SPATA6L: variants seen among roughly 807,000 people sequenced by gnomAD.
SPATA6L encodes the protein spermatogenesis associated 6-like protein.
SPATA6L carries 68 observed loss-of-function variants against 49.2 expected under a neutral mutation model. The observed-to-expected ratio is 1.38, with a 90% CI of 1.14 to 1.69. The LOEUF (loss-of-function observed/expected upper bound fraction) is 1.69, where lower values mean the gene tolerates loss of function less well. SPATA6L is among the 40% of genes most tolerant of loss of function. SPATA6L has a pLI of 0.00. For missense variants in SPATA6L, 668 were observed against 464.3 expected (o/e 1.44, Z -4.03); for synonymous variants, 198 against 165.7 (o/e 1.19, Z -1.50).
chr9:4,661,799 A>T, intron 2 of SPATA6L, 100 bp downstream of exon 2: 1 of 1,449,666 alleles, frequency 6.9e-7, no homozygotes, highest in Non-Finnish European at 9.3e-7. Context: ...AATTTTTTTA[A>T]AAATGAAATT....
Position 4,604,957 on chromosome 9 carries a change from A to G in SPATA6L, c.1089+390T>C, listed in dbSNP as rs542518828. On this transcript the variant is annotated intron_variant, in intron 10 of 11. Transcript: ENST00000682582. Reference sequence around the variant, plus strand: ...ACTTTCTTCCATGTTGTGGCCTTACATAGCTCACACAAACAACTGTATTCT... The same window carrying G: ...ACTTTCTTCCATGTTGTGGCCTTACGTAGCTCACACAAACAACTGTATTCT... 6.3e-4 allele frequency among the ~76,000 whole-genome samples: 96 copies of G among 152,324 alleles called. 1 individual carries two copies. Among genetic ancestry groups the G allele is most frequent in the African/African-American group, 2.3e-3 (94 of 41,570 alleles).
At chr9:4,618,224 G>A in intron 8 of SPATA6L, 114 bp from the exon 9 acceptor site, 1 of 825,722 alleles carries the variant, frequency 1.2e-6, no homozygotes, top group Non-Finnish European at 1.9e-6. Flanking sequence ...CAGAATATTT[G>A]CCCCAGGGAT....
At position 4,604,042 on chromosome 9, in the gene SPATA6L, C is replaced by G. The variant is rs1052211852; in HGVS notation, c.*1+137G>C. ...TATCATACAGAGCAAGGGAAGAACG[C>G]AGTTCTCAGGTCTCCTCCAAGTCTC... is the stretch of plus-strand genomic sequence containing the variant. On this transcript the variant is annotated intron_variant, in intron 11 of 11. Transcript: ENST00000682582. 50 of 575,180 alleles carry G rather than the reference C, an allele frequency of 8.7e-5. No homozygotes were observed. The East Asian group carries it at 1.5e-3, about 17-fold the overall frequency. The allele number at this position is 575,180 out of a possible 1,614,324, so 35.6% of individuals were successfully genotyped here.
At chr9:4,591,697 A>T (rs1078539) in intron 13 of SPATA6L, among the ~76,000 whole-genome samples, 126 of 152,340 alleles carry the variant, frequency 8.3e-4, no homozygotes, top group Non-Finnish European at 1.4e-3. Flanking sequence ...TCTCTGCTCC[A>T]TCAGAAAGGG....
intron 6 of SPATA6L, among the ~76,000 whole-genome samples, chr9:4,624,853 G>C (rs1202076456): frequency 6.6e-6 from 1 of 152,010 alleles, no homozygotes; most frequent in Non-Finnish European, 1.5e-5. Context: ...GCACAACATT[G>C]CTTCTTCCTA....
chr9:4,618,101 C>A lies in SPATA6L; in HGVS notation c.817G>T (p.Glu273Ter). Residue 273 changes from glutamate (E) to a stop codon, truncating the protein, a stop_gained, in exon 9 of 12, where the codon GAG becomes TAG. Coordinates refer to ENST00000682582, the MANE Select transcript of SPATA6L (RefSeq NM_001353486.2). LOFTEE classifies it high-confidence loss of function. ...SLAANVKVIK[E>*]PDERIVLRSD... ...CTTAAAACAATCCGTTCATCTGGCTCTTTGATAACCTGAGTGACAATATGC... is the reference window on the plus strand; with the variant it reads ...CTTAAAACAATCCGTTCATCTGGCTATTTGATAACCTGAGTGACAATATGC... The A allele has an allele frequency of 6.2e-7, 1 of 1,604,206 alleles. No homozygotes were observed. The highest frequency in any genetic ancestry group is 1.3e-5 in the African/African-American group (1 of 74,708).
chr9:4,646,608 T>A, intron 3 of SPATA6L: 2 of 708,290 alleles, frequency 2.8e-6, no homozygotes, highest in Non-Finnish European at 4.4e-6. Context: ...TAAACTGTCA[T>A]AAAACCCACT....
At chr9:4,635,612 A>G (rs1475519937) in intron 3 of SPATA6L, among the ~76,000 whole-genome samples, 1 of 152,350 alleles carries the variant, frequency 6.6e-6, no homozygotes, top group African/African-American at 2.4e-5. Context: ...AGAGAAAAAA[A>G]GACTAAAGAG....
chr9:4,623,417 G>C (rs945169332), intron 6 of SPATA6L, among the ~76,000 whole-genome samples: 8 of 151,918 alleles, frequency 5.3e-5, no homozygotes, highest in African/African-American at 1.9e-4. Flanking sequence ...CTTGAACTAG[G>C]GACTCTTCCA....
At chr9:4,595,933 C>A (rs1365019243), downstream of SPATA6L, among the ~76,000 whole-genome samples, 2 of 152,164 alleles carry the variant, frequency 1.3e-5, no homozygotes, top group African/African-American at 2.4e-5. Flanking sequence ...GGCCACAGAG[C>A]CTTTGGCTGG....
At chr9:4,635,173 G>T in intron 4 of SPATA6L, 102 bp downstream of exon 4, 1 of 1,262,662 alleles carries the variant, frequency 7.9e-7, no homozygotes, top group Non-Finnish European at 1.1e-6. Flanking sequence ...AGAACAGCAG[G>T]GGTACTAACC....
At position 4,661,957 on chromosome 9, in the gene SPATA6L, G is replaced by C. The variant is rs889195800; in HGVS notation, c.119C>G (p.Thr40Ser). ...GVYLMNQYLE[T>S]NSFPSAFPIM... ...GGGGAACGCAGAGGGAAAGCTGTTG[G>C]TCTCCAGGTACTGATTCATGAGGTA... The change falls in exon 2 of 12, where the codon ACC becomes AGC. Residue 40 changes from threonine (T) to serine (S), a missense_variant. Physicochemically the swap from Thr to Ser is moderately conservative, Grantham distance 58 (BLOSUM62 1). Transcript: ENST00000682582. 2.5e-6 allele frequency: 4 copies of C among 1,613,930 alleles called. No individual in the cohort carries two copies. In the African/African-American group the frequency reaches 4.0e-5, roughly 16 times the overall value.
intron 11 of SPATA6L, among the ~76,000 whole-genome samples, chr9:4,603,633 T>C (rs1258923520): frequency 6.6e-6 from 1 of 152,188 alleles, no homozygotes; most frequent in East Asian, 1.9e-4. Context: ...CAGAGACAGA[T>C]TCTCTGATCT....
At chr9:4,628,795 T>C (rs1010345350) in intron 5 of SPATA6L, 2 of 269,450 alleles carry the variant, frequency 7.4e-6, no homozygotes, top group Non-Finnish European at 1.4e-5. Context: ...GTAAATGTCA[T>C]AGAACAACAA....
intron 2 of SPATA6L, among the ~76,000 whole-genome samples, chr9:4,661,384 C>T (rs1839691308): frequency 6.6e-6 from 1 of 152,158 alleles, no homozygotes; most frequent in South Asian, 2.1e-4. Flanking sequence ...CCATGTTATT[C>T]ACCAGAATGG....
intron 13 of SPATA6L, among the ~76,000 whole-genome samples, chr9:4,591,020 C>T (rs1260467099): frequency 6.6e-6 from 1 of 152,140 alleles, no homozygotes; most frequent in Non-Finnish European, 1.5e-5. Flanking sequence ...AAGGGTCTGG[C>T]TGCAGGGGAA....
intron 8 of SPATA6L, among the ~76,000 whole-genome samples, chr9:4,618,636 T>C (rs960794389): frequency 6.6e-6 from 1 of 152,196 alleles, no homozygotes; most frequent in African/African-American, 2.4e-5. Flanking sequence ...TGGGTCTACA[T>C]ACACCCTCCT....
intron 7 of SPATA6L, among the ~76,000 whole-genome samples, chr9:4,621,660 G>C (rs1309327374): frequency 6.6e-6 from 1 of 152,024 alleles, no homozygotes; most frequent in Non-Finnish European, 1.5e-5. Flanking sequence ...GGCTAATTTT[G>C]TATTTTTAGT....
chr9:4,607,178 T>A (rs1280469171), intron 9 of SPATA6L, among the ~76,000 whole-genome samples: 1 of 152,074 alleles, frequency 6.6e-6, no homozygotes, highest in Non-Finnish European at 1.5e-5. Context: ...TTGGTATACC[T>A]GAAAGTGACG....
Sources: gnomAD v4.1 joint callset for allele counts (sites outside exome capture counted in the v4.1 genomes callset) on GRCh38, gnomAD v4.1.1 for gene constraint, MANE v1.5 for transcripts, NCBI Gene and HGNC (gene_info 2026-07-23, HGNC 2026-07-21) for gene names.